Variants in UNC45A observed in about 807,000 individuals in gnomAD.
The protein encoded by UNC45A is unc-45 myosin chaperone A, also known as protein unc-45 homolog A.
A neutral mutation model predicts 103.2 loss-of-function variants in UNC45A; 78 were observed. That is an observed-to-expected ratio of 0.76 (90% CI 0.63 to 0.91). The LOEUF is 0.91. Among genes scored for constraint, UNC45A ranks in the 40% least tolerant of loss-of-function variants. The probability of loss-of-function intolerance (pLI) is 0.00; values close to 1 mark genes in which losing one functional copy is unlikely to be tolerated. For missense variants in UNC45A, 1,193 were observed against 1,224.8 expected, an observed-to-expected ratio of 0.97 and a Z score of 0.39; for synonymous variants, 495 against 504.6, an observed-to-expected ratio of 0.98 and a Z score of 0.25.
Position 90,949,384 on chromosome 15 carries a change from G to A in UNC45A, c.1947G>A (p.Val649=). ...CAGCGGGTGTGGTGTCGGCCATGGTGTGCATGGTGAAGACGGAGAGCCCTG... is the reference window on the plus strand; with the variant it reads ...CAGCGGGTGTGGTGTCGGCCATGGTATGCATGGTGAAGACGGAGAGCCCTG... ...LLAAGVVSAM[V]CMVKTESPVL... Residue 649 remains valine (V), a synonymous_variant, in exon 14 of 20, where the codon GTG becomes GTA. Transcript: ENST00000418476. The A allele has an allele frequency of 1.2e-6, 2 of 1,613,786 alleles. No individual in the cohort carries two copies. The highest frequency in any genetic ancestry group is 1.7e-6 in the Non-Finnish European group (2 of 1,180,022).
Position 90,944,957 on chromosome 15 carries a change from G to A in UNC45A, c.1093G>A (p.Ala365Thr), listed in dbSNP as rs552203159. The stretch of plus-strand genomic sequence containing the variant: ...CCCTCCTGGGGAGCTCGCAGTGACC[G>A]CAAACAGCCGCATGAGCGCCTCTAT... ...QDPPGELAVT[A>T]NSRMSASILL... The change falls in exon 9 of 20, where the codon GCA becomes ACA. Residue 365 changes from alanine (A) to threonine (T), a missense_variant. Ala to Thr is a moderately conservative substitution (Grantham distance 58, BLOSUM62 0). Transcript: ENST00000418476. 10 of 1,612,642 alleles carry A rather than the reference G, an allele frequency of 6.2e-6. No homozygotes were observed. The highest frequency in any genetic ancestry group is 1.7e-5 in the Admixed American group (1 of 60,026).
At position 90,948,621 on chromosome 15, in the gene UNC45A, G is replaced by C. The variant is rs753240729; in HGVS notation, c.1738-33G>C. 10 of 1,609,746 alleles carry C rather than the reference G, an allele frequency of 6.2e-6. No individual in the cohort carries two copies. The Admixed American group carries it at 1.5e-4, about 24-fold the overall frequency. Reference sequence around the variant, plus strand: ...TTATCTGAGTACTGCTCTGCCCCGGGATGCCCATGTGAATTCCTCTGTGTC... The same window carrying C: ...TTATCTGAGTACTGCTCTGCCCCGGCATGCCCATGTGAATTCCTCTGTGTC... On this transcript the variant is annotated intron_variant, in intron 12 of 19. Coordinates refer to ENST00000418476, the MANE Select transcript of UNC45A (RefSeq NM_018671.5).
intron 16 of UNC45A, 74 bp downstream of exon 16, chr15:90,950,341 T>C: frequency 6.6e-7 from 1 of 1,510,136 alleles, no homozygotes. Flanking sequence ...GTAGCTCCCC[T>C]TTGGGACCAG....
upstream of UNC45A, chr15:90,934,735 G>A: frequency 5.0e-6 from 2 of 399,154 alleles, no homozygotes; most frequent in Non-Finnish European, 8.8e-6. Context: ...TGTGCAAGCT[G>A]GTAATGGGGA....
intron 15 of UNC45A, 50 bp downstream of exon 15, chr15:90,949,770 A>G: frequency 6.3e-7 from 1 of 1,584,706 alleles, no homozygotes; most frequent in Non-Finnish European, 8.7e-7. Flanking sequence ...TCAGCCTATA[A>G]AACATGACTC....
chr15:90,945,795 G>C (rs1191482412), intron 9 of UNC45A, among the ~76,000 whole-genome samples: 1 of 150,700 alleles, frequency 6.6e-6, no homozygotes, highest in Non-Finnish European at 1.5e-5. Context: ...ACCACGCCTG[G>C]CTAATTTTTG....
In UNC45A at chr15:90,948,719, C is replaced by T. The variant is rs1445639997; in HGVS notation, c.1803C>T (p.Asp601=). Residue 601 remains aspartate (D), a synonymous_variant, in exon 13 of 20, where the codon GAC becomes GAT. Transcript: ENST00000418476. ...TGGTGAACTGCACCAACAGCTATGA[C>T]TACGAGGAGCCCGACCCCAAGATGG... ...SALVNCTNSY[D]YEEPDPKMVE... is the part of the protein sequence containing the mutation. The T allele has an allele frequency of 5.6e-6, 9 of 1,613,950 alleles. No individual in the cohort carries two copies. Among genetic ancestry groups the T allele is most frequent in the African/African-American group, 4.0e-5 (3 of 74,908 alleles).
upstream of UNC45A, chr15:90,931,885 T>C (rs2035807470): frequency 6.2e-7 from 1 of 1,614,080 alleles, no homozygotes; most frequent in South Asian, 1.1e-5. Context: ...CCCCAAAGTG[T>C]AGCTCCACCT....
At chr15:90,939,065 C>T (rs938901188) in intron 4 of UNC45A, among the ~76,000 whole-genome samples, 4 of 151,842 alleles carry the variant, frequency 2.6e-5, no homozygotes, top group African/African-American at 4.8e-5. Context: ...CTGCAACTTC[C>T]GCATCTTGGG....
chr15:90,953,904 A>T lies in UNC45A; in HGVS notation c.*188A>T. The T allele has an allele frequency of 1.3e-6, 1 of 799,704 alleles. No homozygotes were observed. The highest frequency in any genetic ancestry group is 1.9e-6 in the Non-Finnish European group (1 of 516,118). The allele number at this position is 799,704 out of a possible 1,614,324, so 49.5% of individuals were successfully genotyped here. The stretch of plus-strand genomic sequence containing the variant: ...TTCAGTCACACAGCCCTGCTTGGCC[A>T]GCACTGCCTGCAGCCTCACTCAGAG... On this transcript the variant is annotated 3_prime_UTR_variant, in exon 20 of 20. Coordinates refer to ENST00000418476, the MANE Select transcript of UNC45A (RefSeq NM_018671.5).
rs148545882 is a variant in UNC45A at position 90,939,735 on chromosome 15, G to A, written c.431G>A (p.Arg144Gln). The A allele has an allele frequency of 3.5e-5, 56 of 1,614,064 alleles. No individual in the cohort carries two copies. The African/African-American group carries it at 4.0e-4, about 12-fold the overall frequency. The change falls in exon 5 of 20, where the codon CGA becomes CAA. Residue 144 changes from arginine to glutamine, a missense_variant. By Grantham distance (43) the Arg-to-Gln change is conservative. Coordinates refer to ENST00000418476, the MANE Select transcript of UNC45A (RefSeq NM_018671.5). Reference sequence around the variant, plus strand: ...ATGCTTTGTTGGTTTGTCTAGGTGCGATACATGTCCTCGACGGATGCCAAA... The same window carrying A: ...ATGCTTTGTTGGTTTGTCTAGGTGCAATACATGTCCTCGACGGATGCCAAA... ...NIGGQIQEKV[R>Q]YMSSTDAKVE...
chr15:90,934,911 G>A, upstream of UNC45A: 1 of 441,044 alleles, frequency 2.3e-6, no homozygotes, highest in Admixed American at 4.0e-5. Context: ...GCGCGGTCGG[G>A]GCCGGGATCC....
intron 4 of UNC45A, among the ~76,000 whole-genome samples, 168 bp from the exon 5 acceptor site, chr15:90,939,563 G>A (rs748221576): frequency 2.6e-5 from 4 of 152,228 alleles, no homozygotes; most frequent in Non-Finnish European, 4.4e-5. Context: ...AAATTTAGGA[G>A]GCACTGCCAG....
At chr15:90,934,445 C>A (rs745833201), upstream of UNC45A, 5 of 398,940 alleles carry the variant, frequency 1.3e-5, no homozygotes, top group Non-Finnish European at 1.8e-5. Flanking sequence ...AGGAAGCCTA[C>A]TGCTGCCACC....
intron 6 of UNC45A, among the ~76,000 whole-genome samples, chr15:90,941,473 A>G (rs981110987): frequency 1.3e-5 from 2 of 152,170 alleles, no homozygotes; most frequent in African/African-American, 4.8e-5. Context: ...AAATCTCTTT[A>G]GGCTAAGCTT....
chr15:90,939,603 G>A lies in UNC45A; in HGVS notation c.427-128G>A. 4 of 910,444 alleles carry A rather than the reference G, an allele frequency of 4.4e-6. No homozygotes were observed. The South Asian group carries it at 4.6e-5, about 11-fold the overall frequency. The allele number at this position is 910,444 out of a possible 1,614,324, so 56.4% of individuals were successfully genotyped here. A position where few individuals can be genotyped will look rare whatever the true frequency, so the allele number is the denominator to read the frequency against. ...GTCTCTTCCTGCCCAGGGTAGCTAG[G>A]TGCTAGCCCTGAGCCTGGACATCTT... is the stretch of plus-strand genomic sequence containing the variant. On this transcript the variant is annotated intron_variant, in intron 4 of 19. Transcript: ENST00000418476.
intron 6 of UNC45A, among the ~76,000 whole-genome samples, chr15:90,941,954 G>A (rs1490180731): frequency 1.6e-4 from 22 of 135,978 alleles, no homozygotes; most frequent in Non-Finnish European, 3.0e-4. Flanking sequence ...GCAAGACTCC[G>A]TCTCAAAAAA....
intron 6 of UNC45A, chr15:90,941,060 A>G (rs1008431628): frequency 6.6e-6 from 1 of 152,192 alleles, no homozygotes; most frequent in African/African-American, 2.4e-5. Flanking sequence ...GCCTTGGGGT[A>G]CCCCAAGCAC....
chr15:90,943,986 GTTTTTT>G (rs953436599), intron 8 of UNC45A, among the ~76,000 whole-genome samples: 55 of 78,324 alleles, frequency 7.0e-4, no homozygotes, highest in Non-Finnish European at 9.1e-4. Flanking sequence ...ATTGTGCCCT[GTTTTTT>G]TTTTTTTTTT....
Sources: allele counts gnomAD v4.1 joint callset (sites outside exome capture counted in the v4.1 genomes callset), GRCh38; gene constraint gnomAD v4.1.1; transcripts MANE v1.5; gene names NCBI Gene and HGNC (gene_info 2026-07-23, HGNC 2026-07-21).